Variants in FLT1 observed in about 807,000 individuals in gnomAD.
FLT1 encodes the protein vascular endothelial growth factor receptor 1.
Under a neutral mutation model 156.3 loss-of-function variants are expected in FLT1, and 49 were observed. That is an observed-to-expected ratio of 0.31 (90% CI 0.25 to 0.40). FLT1 has a LOEUF of 0.40. Ranked by LOEUF, FLT1 falls within the 10% of genes least tolerant of loss-of-function variation. FLT1 has a pLI of 1.00. For synonymous variants in FLT1, 594 were observed against 583.8 expected (o/e 1.02, Z -0.25); for missense variants, 1,322 against 1,637.2 (o/e 0.81, Z 3.32).
rs1248341458 is a variant in FLT1, at chr13:28,455,245, G to A, written c.388+11658C>T. ...GAAGACTGACACTACCTAACTTCAA[G>A]ACTTACTACAAAGCTATAGTAATCA... On this transcript the variant is annotated intron_variant, in intron 3 of 29. Coordinates refer to ENST00000282397, the MANE Select transcript of FLT1 (RefSeq NM_002019.4). Among the ~76,000 whole-genome samples the A allele has an allele frequency of 6.7e-5, 10 of 149,658 alleles. 1 individual carries two copies. In the South Asian group the frequency reaches 2.1e-3, roughly 31 times the overall value.
At chr13:28,342,966 C>CTCTT (rs1555301905) in intron 16 of FLT1, among the ~76,000 whole-genome samples, 13 of 150,190 alleles carry the variant, frequency 8.7e-5, no homozygotes, top group Non-Finnish European at 1.5e-4. Flanking sequence ...CTCTCTCTCT[C>CTCTT]TCTTTCTTTC....
In FLT1 at chr13:28,490,124, A is replaced by G. The variant is rs569817847; in HGVS notation, c.64+4656T>C. Among the ~76,000 whole-genome samples, 162 of 152,296 alleles carry G rather than the reference A, an allele frequency of 1.1e-3. 1 individual carries two copies. Among genetic ancestry groups the G allele is most frequent in the African/African-American group, 3.0e-3 (126 of 41,564 alleles). ...TGCCGCTAGCCAGCTGTTGACCTTG[A>G]AAAACAGCACTGGCCTCCTCTGGGC... On this transcript the variant is annotated intron_variant, in intron 1 of 29. Transcript: ENST00000282397.
At position 28,473,671 on chromosome 13, in the gene FLT1, A is replaced by AAGAAAG. The variant is rs1431747843; in HGVS notation, c.65-6055_65-6054insCTTTCT. On this transcript the variant is annotated intron_variant, in intron 1 of 29. Coordinates refer to ENST00000282397, the MANE Select transcript of FLT1 (RefSeq NM_002019.4). ...AAAGAAAGAAAGAAAGAAAGAAAGA[A>AAGAAAG]AGAGAGAGAGAGAGAGAGAGAGAAA... is the stretch of plus-strand genomic sequence containing the variant. Among the ~76,000 whole-genome samples, 22 of 118,356 alleles carry AAGAAAG rather than the reference A, an allele frequency of 1.9e-4. 1 individual carries two copies. The highest frequency in any genetic ancestry group is 1.6e-3 in the East Asian group (7 of 4,390). 77.6% of individuals were successfully genotyped at this position (118,356 alleles called of 152,430 possible).
At position 28,494,915 on chromosome 13, in the gene FLT1, G is replaced by T; in HGVS notation, c.-72C>A. The T allele has an allele frequency of 2.3e-6, 3 of 1,279,364 alleles. No homozygotes were observed. The highest frequency in any genetic ancestry group is 3.0e-5 in the East Asian group (1 of 33,414). The allele number at this position is 1,279,364 out of a possible 1,614,324, so 79.3% of individuals were successfully genotyped here. On this transcript the variant is annotated 5_prime_UTR_variant, in exon 1 of 30. Transcript: ENST00000282397. ...GCCAACGACCCGGCCGCCAGAGTCC[G>T]TCCTCTCGTTCGCCGCCGCCGGCCC...
At chr13:28,305,513 G>A (rs1870707045) in intron 29 of FLT1, among the ~76,000 whole-genome samples, 1 of 152,178 alleles carries the variant, frequency 6.6e-6, no homozygotes, top group South Asian at 2.1e-4. Context: ...AGCCCCTCAT[G>A]GTAGTCTTGA....
At chr13:28,329,214 G>A (rs1871820009) in intron 19 of FLT1, among the ~76,000 whole-genome samples, 1 of 152,110 alleles carries the variant, frequency 6.6e-6, no homozygotes, top group African/African-American at 2.4e-5. Context: ...TGGAGGGAAG[G>A]GCCCCCACAT....
At chr13:28,349,573 C>T (rs1484774872) in intron 15 of FLT1, among the ~76,000 whole-genome samples, 5 of 152,232 alleles carry the variant, frequency 3.3e-5, no homozygotes, top group South Asian at 2.1e-4. Flanking sequence ...CTTTGGCTGT[C>T]GGAGATGCTG....
At chr13:28,338,988 C>T (rs1005246681) in intron 17 of FLT1, among the ~76,000 whole-genome samples, 180 bp downstream of exon 17, 2 of 152,176 alleles carry the variant, frequency 1.3e-5, no homozygotes, top group Non-Finnish European at 2.9e-5. Context: ...TCACCTTGTA[C>T]TGTTATCTGA....
chr13:28,342,835 C>A (rs764373341), intron 16 of FLT1, among the ~76,000 whole-genome samples: 1 of 152,166 alleles, frequency 6.6e-6, no homozygotes, highest in African/African-American at 2.4e-5. Flanking sequence ...AAGGGCTAAT[C>A]TCTAGAAATT....
At chr13:28,465,851 C>CAAACA (rs1440388365) in intron 3 of FLT1, among the ~76,000 whole-genome samples, 7 of 151,712 alleles carry the variant, frequency 4.6e-5, no homozygotes, top group African/African-American at 1.7e-4. Context: ...AACAAACAAA[C>CAAACA]AACAACGAAA....
intron 24 of FLT1, among the ~76,000 whole-genome samples, chr13:28,319,133 A>G (rs1871332647): frequency 1.3e-5 from 2 of 152,182 alleles, no homozygotes; most frequent in Non-Finnish European, 2.9e-5. Context: ...TGGGCAAAGT[A>G]CAGAAAAAGT....
intron 24 of FLT1, among the ~76,000 whole-genome samples, chr13:28,318,370 G>C (rs777099642): frequency 6.6e-6 from 1 of 152,084 alleles, no homozygotes; most frequent in Non-Finnish European, 1.5e-5. Flanking sequence ...AGAGGCCTAG[G>C]CTTTGCCTTC....
chr13:28,330,222 T>A (rs1238825659), intron 18 of FLT1, among the ~76,000 whole-genome samples: 1 of 152,246 alleles, frequency 6.6e-6, no homozygotes, highest in Non-Finnish European at 1.5e-5. Context: ...CCTGTAACCC[T>A]GTCCTCTCTG....
At chr13:28,462,045 CG>C (rs1566041856) in intron 3 of FLT1, among the ~76,000 whole-genome samples, 1 of 152,074 alleles carries the variant, frequency 6.6e-6, no homozygotes, top group African/African-American at 2.4e-5. Context: ...TTTTGCTTTT[CG>C]ATTGTAATTT....
In FLT1 at chr13:28,446,271, G is replaced by A. The variant is rs546018482; in HGVS notation, c.389-7926C>T. ...TAAGACATCGTTGTCCACCCTCACC[G>A]CTTCTATTCAATAGTGTACTAGAGG... On this transcript the variant is annotated intron_variant, in intron 3 of 29. Transcript: ENST00000282397. 1.5e-3 allele frequency among the ~76,000 whole-genome samples: 235 copies of A among 152,244 alleles called. 3 individuals carry two copies. The South Asian group carries it at 0.016, about 10-fold the overall frequency.
chr13:28,380,355 G>A (rs1435374515), intron 14 of FLT1, among the ~76,000 whole-genome samples: 1 of 152,194 alleles, frequency 6.6e-6, no homozygotes, highest in Non-Finnish European at 1.5e-5. Context: ...TCGTCATGGA[G>A]CATATTGCAT....
intron 17 of FLT1, among the ~76,000 whole-genome samples, chr13:28,337,613 A>G (rs1269110750): frequency 3.9e-5 from 6 of 152,222 alleles, no homozygotes; most frequent in African/African-American, 1.4e-4. Context: ...AATGGACATC[A>G]GCCAAATTCT....
chr13:28,337,338 C>T (rs1872155617), intron 17 of FLT1, among the ~76,000 whole-genome samples: 1 of 152,154 alleles, frequency 6.6e-6, no homozygotes, highest in African/African-American at 2.4e-5. Context: ...GTGTATTTCT[C>T]TACATTTACA....
chr13:28,324,506 C>T (rs1036504538), intron 20 of FLT1, among the ~76,000 whole-genome samples: 1 of 152,192 alleles, frequency 6.6e-6, no homozygotes, highest in African/African-American at 2.4e-5. Flanking sequence ...AGAGACCTTC[C>T]GGGGTTGCAG....
Sources: gnomAD v4.1 joint callset for allele counts (sites outside exome capture counted in the v4.1 genomes callset) on GRCh38, gnomAD v4.1.1 for gene constraint, MANE v1.5 for transcripts, NCBI Gene and HGNC (gene_info 2026-07-23, HGNC 2026-07-21) for gene names.